The following ADAM22 variants were observed in gnomAD, a reference collection of about 807,000 sequenced individuals.
ADAM22 encodes the protein ADAM metallopeptidase domain 22, also known as disintegrin and metalloproteinase domain-containing protein 22.
ADAM22 carries 65 observed loss-of-function variants against 144.6 expected under a neutral mutation model. The ratio of observed to expected loss-of-function variants is 0.45; its 90% CI spans 0.37 to 0.55. ADAM22 has a LOEUF of 0.55. Among genes scored for constraint, ADAM22 ranks in the 20% least tolerant of loss-of-function variants. The pLI, the probability that ADAM22 is intolerant of heterozygous loss-of-function variation, is 0.00. For missense variants in ADAM22, 974 were observed against 1,184.9 expected (o/e 0.82, Z 2.61); for synonymous variants, 391 against 412.6 (o/e 0.95, Z 0.63).
chr7:88,032,000 A>G (rs1348394693), intron 3 of ADAM22, among the ~76,000 whole-genome samples: 1 of 152,230 alleles, frequency 6.6e-6, no homozygotes. Flanking sequence ...CAGAGGATGT[A>G]TAGAAATACC....
chr7:88,070,596 G>GT (rs1812487910), intron 3 of ADAM22, among the ~76,000 whole-genome samples: 2 of 151,790 alleles, frequency 1.3e-5, no homozygotes, highest in South Asian at 2.1e-4. Context: ...ACATGATTTT[G>GT]TTTTTTTCTA....
chr7:87,956,296 A>C (rs1354616994), intron 2 of ADAM22, among the ~76,000 whole-genome samples: 1 of 152,150 alleles, frequency 6.6e-6, no homozygotes, highest in Non-Finnish European at 1.5e-5. Flanking sequence ...TAGCTTTAAG[A>C]CCAGATGAAA....
intron 5 of ADAM22, among the ~76,000 whole-genome samples, chr7:88,113,703 A>AATGTGTGTATAT (rs1554478727): frequency 1.9e-4 from 9 of 48,108 alleles, no homozygotes; most frequent in African/African-American, 6.4e-4. Flanking sequence ...TAAATAAATA[A>AATGTGTGTATAT]ATATATATAT....
intron 3 of ADAM22, among the ~76,000 whole-genome samples, chr7:88,057,832 A>T (rs1808701961): frequency 6.6e-6 from 1 of 152,166 alleles, no homozygotes; most frequent in African/African-American, 2.4e-5. Flanking sequence ...TTAAGGACTT[A>T]CTGCTGGAGT....
In ADAM22 at chr7:87,934,462, C is replaced by T; in HGVS notation, c.-4C>T. 1 of 1,592,888 alleles carries T rather than the reference C, an allele frequency of 6.3e-7. No individual in the cohort carries two copies. Among genetic ancestry groups the T allele is most frequent in the Non-Finnish European group, 8.5e-7 (1 of 1,173,800 alleles). ...CTCGGGCGAGGCGGGCTGACGGCAG[C>T]ACCATGCAGGCGGCAGTGGCTGTGT... On this transcript the variant is annotated 5_prime_UTR_variant, in exon 1 of 32. Coordinates refer to ENST00000413139, the MANE Select transcript of ADAM22 (RefSeq NM_001324418.2).
intron 2 of ADAM22, among the ~76,000 whole-genome samples, chr7:87,976,340 G>A (rs1364937992): frequency 1.3e-5 from 2 of 152,190 alleles, no homozygotes; most frequent in Non-Finnish European, 2.9e-5. Context: ...GGTCATAAGG[G>A]TGGGACCCTA....
chr7:87,955,634 C>T (rs985178607), intron 2 of ADAM22, among the ~76,000 whole-genome samples: 1 of 152,202 alleles, frequency 6.6e-6, no homozygotes, highest in Non-Finnish European at 1.5e-5. Context: ...CAGCTGCGTG[C>T]TGGGAGAACC....
intron 2 of ADAM22, among the ~76,000 whole-genome samples, chr7:87,938,663 T>A (rs900061874): frequency 6.6e-6 from 1 of 152,150 alleles, no homozygotes; most frequent in African/African-American, 2.4e-5. Context: ...TTTTTTCTTT[T>A]GAGATGGAGT....
At chr7:87,957,342 A>G (rs558441417) in intron 2 of ADAM22, among the ~76,000 whole-genome samples, 3 of 152,294 alleles carry the variant, frequency 2.0e-5, no homozygotes, top group East Asian at 1.9e-4. Context: ...TGTTTAATAT[A>G]AAAAGCTTAA....
chr7:88,148,725 T>C lies in ADAM22; in HGVS notation c.1486-252T>C, dbSNP rs531089828. ...ACTAGAACCTGGACTAACTGGCCTG[T>C]CTTGTGGAATTTAGCAGTATAATAT... On this transcript the variant is annotated intron_variant, in intron 17 of 31. Transcript: ENST00000413139. Among the ~76,000 whole-genome samples the C allele has an allele frequency of 2.0e-5, 3 of 152,326 alleles. No individual in the cohort carries two copies. The South Asian group carries it at 6.2e-4, about 32-fold the overall frequency.
At chr7:88,051,095 C>T (rs182294960) in intron 3 of ADAM22, among the ~76,000 whole-genome samples, 13 of 152,106 alleles carry the variant, frequency 8.5e-5, no homozygotes, top group African/African-American at 2.7e-4. Context: ...CACTTTTACA[C>T]GTTGGTGGGA....
intron 3 of ADAM22, among the ~76,000 whole-genome samples, chr7:88,059,690 G>A (rs56050913): frequency 6.6e-6 from 1 of 151,984 alleles, no homozygotes; most frequent in Non-Finnish European, 1.5e-5. Context: ...AGTCATAAAA[G>A]AATGAAATCA....
At position 87,987,711 on chromosome 7, in the gene ADAM22, G is replaced by T. The variant is rs1227756060; in HGVS notation, c.323+9299G>T. 2.0e-5 allele frequency among the ~76,000 whole-genome samples: 3 copies of T among 152,156 alleles called. No homozygotes were observed. The East Asian group carries it at 5.8e-4, about 29-fold the overall frequency. On this transcript the variant is annotated intron_variant, in intron 3 of 31. Transcript: ENST00000413139. ...ATAGTTATATTTGTTTTACAGTAAGGACTATGTTTTAGAGTGAGGTATAAG... is the reference window on the plus strand; with the variant it reads ...ATAGTTATATTTGTTTTACAGTAAGTACTATGTTTTAGAGTGAGGTATAAG...
rs567200826 is a variant in ADAM22, at chr7:88,166,483, C to T, written c.2191+537C>T. Among the ~76,000 whole-genome samples, 203 of 151,980 alleles carry T rather than the reference C, an allele frequency of 1.3e-3. 2 individuals carry two copies. Among genetic ancestry groups the T allele is most frequent in the African/African-American group, 4.7e-3 (194 of 41,446 alleles). The stretch of plus-strand genomic sequence containing the variant: ...GTGCAGTCCTAAAAGCTAGGGTGGC[C>T]CAAATGGGGGTATAGAAATCAAATG... On this transcript the variant is annotated intron_variant, in intron 24 of 31. Transcript: ENST00000413139.
intron 3 of ADAM22, among the ~76,000 whole-genome samples, chr7:87,991,364 T>A (rs986645185): frequency 6.4e-5 from 9 of 141,730 alleles, no homozygotes; most frequent in Non-Finnish European, 9.2e-5. Context: ...TTTTTTTTTT[T>A]TTTTTTTTTT....
intron 3 of ADAM22, among the ~76,000 whole-genome samples, chr7:88,073,283 C>G (rs1340681596): frequency 6.6e-6 from 1 of 151,838 alleles, no homozygotes. Flanking sequence ...GGCTTTTTTT[C>G]TTTTTTTAAT....
At chr7:87,977,801 A>G (rs951519344) in intron 2 of ADAM22, among the ~76,000 whole-genome samples, 2 of 152,082 alleles carry the variant, frequency 1.3e-5, no homozygotes, top group Admixed American at 1.3e-4. Context: ...GCAGAGGTTT[A>G]ATTTTGCTTT....
chr7:88,016,992 C>G (rs1585038262), intron 3 of ADAM22, among the ~76,000 whole-genome samples: 1 of 147,946 alleles, frequency 6.8e-6, no homozygotes, highest in African/African-American at 2.7e-5. Flanking sequence ...GTGGTAGGCA[C>G]CTGTAGTCCC....
chr7:87,998,130 A>C (rs915224262), intron 3 of ADAM22, among the ~76,000 whole-genome samples: 2 of 152,198 alleles, frequency 1.3e-5, no homozygotes, highest in Non-Finnish European at 1.5e-5. Context: ...AGACTTAGCC[A>C]GTCTAGTCCT....
Sources: allele counts gnomAD v4.1 joint callset (sites outside exome capture counted in the v4.1 genomes callset), GRCh38; gene constraint gnomAD v4.1.1; transcripts MANE v1.5; gene names NCBI Gene and HGNC (gene_info 2026-07-23, HGNC 2026-07-21).